The following AKAP12 variants were observed in gnomAD, a reference collection of about 807,000 sequenced individuals.
AKAP12 encodes the protein A-kinase anchor protein 12.
A neutral mutation model predicts 79.9 loss-of-function variants in AKAP12; 32 were observed. That is an observed-to-expected ratio of 0.40 (90% confidence interval 0.30 to 0.54). The LOEUF is 0.54. Among genes scored for constraint, AKAP12 ranks in the 20% least tolerant of loss-of-function variants. AKAP12 has a pLI of 0.48. For synonymous variants in AKAP12, 808 were observed against 857.0 expected, an observed-to-expected ratio of 0.94 and a Z score of 1.00; for missense variants, 2,074 against 2,177.0, an observed-to-expected ratio of 0.95 and a Z score of 0.94.
chr6:151,336,537 C>A (rs1777818767), intron 3 of AKAP12, among the ~76,000 whole-genome samples: 1 of 152,036 alleles, frequency 6.6e-6, no homozygotes, highest in Admixed American at 6.6e-5. Context: ...CTGAAGTCAG[C>A]AGTTCAAGAC....
At chr6:151,248,451 G>A (rs939894072) in intron 2 of AKAP12, among the ~76,000 whole-genome samples, 1 of 152,004 alleles carries the variant, frequency 6.6e-6, no homozygotes, top group South Asian at 2.1e-4. Context: ...TGGGGTGTGG[G>A]CTCCATTACC....
intron 4 of AKAP12, among the ~76,000 whole-genome samples, chr6:151,354,993 C>CTTTTG (rs796293117): frequency 2.6e-5 from 4 of 151,664 alleles, no homozygotes; most frequent in African/African-American, 7.2e-5. Context: ...TCTTCGTTTT[C>CTTTTG]TTTTGTTTTG....
intron 2 of AKAP12, among the ~76,000 whole-genome samples, chr6:151,269,183 G>A (rs1776126450): frequency 6.6e-6 from 1 of 151,798 alleles, no homozygotes; most frequent in African/African-American, 2.4e-5. Context: ...TTAAAATTTT[G>A]AGGCAGGTCT....
chr6:151,307,594 GT>G (rs1214161551), intron 3 of AKAP12, among the ~76,000 whole-genome samples: 2 of 152,186 alleles, frequency 1.3e-5, no homozygotes, highest in Non-Finnish European at 2.9e-5. Context: ...CAGGGACACA[GT>G]TTTTTTCATA....
chr6:151,320,817 A>G (rs958651250), intron 3 of AKAP12, among the ~76,000 whole-genome samples: 2 of 152,194 alleles, frequency 1.3e-5, no homozygotes, highest in Admixed American at 6.5e-5. Flanking sequence ...TATAGTCTTC[A>G]GAACCAGCAG....
chr6:151,306,233 A>G (rs1328927367), intron 3 of AKAP12, among the ~76,000 whole-genome samples: 1 of 152,200 alleles, frequency 6.6e-6, no homozygotes, highest in African/African-American at 2.4e-5. Flanking sequence ...CCCTCTAGAG[A>G]GGAGCCTGCT....
intron 2 of AKAP12, among the ~76,000 whole-genome samples, chr6:151,263,660 C>T (rs1359192562): frequency 6.6e-6 from 1 of 152,132 alleles, no homozygotes; most frequent in Non-Finnish European, 1.5e-5. Flanking sequence ...CTCACTGCAA[C>T]TTCCGCCTCC....
intron 2 of AKAP12, among the ~76,000 whole-genome samples, chr6:151,259,446 A>G (rs1797368616): frequency 2.7e-5 from 4 of 148,682 alleles, no homozygotes; most frequent in Admixed American, 1.4e-4. Flanking sequence ...ATATATGTGT[A>G]TATATATACA....
At chr6:151,347,752 T>A (rs1232540437) in intron 3 of AKAP12, among the ~76,000 whole-genome samples, 2 of 152,158 alleles carry the variant, frequency 1.3e-5, no homozygotes, top group African/African-American at 4.8e-5. Flanking sequence ...AATATTTAAT[T>A]TTCACTGGGT....
intron 3 of AKAP12, among the ~76,000 whole-genome samples, chr6:151,310,088 T>C (rs912371023): frequency 6.6e-6 from 1 of 151,582 alleles, no homozygotes; most frequent in Non-Finnish European, 1.5e-5. Flanking sequence ...AGAGCCTGGG[T>C]GCAGTGGCTC....
intron 3 of AKAP12, among the ~76,000 whole-genome samples, chr6:151,312,684 T>C (rs557112455): frequency 1.7e-4 from 25 of 149,382 alleles, no homozygotes; most frequent in Admixed American, 3.4e-4. Flanking sequence ...CCCAGCCACT[T>C]GGGAGGCTGA....
chr6:151,283,925 T>C (rs1776453121), intron 2 of AKAP12, among the ~76,000 whole-genome samples: 1 of 152,200 alleles, frequency 6.6e-6, no homozygotes, highest in Non-Finnish European at 1.5e-5. Context: ...CTCCCCTGAA[T>C]GGACACAGCA....
At chr6:151,345,932 T>TGTGTGTGA (rs1349850485) in intron 3 of AKAP12, among the ~76,000 whole-genome samples, 2 of 101,376 alleles carry the variant, frequency 2.0e-5, no homozygotes, top group African/African-American at 8.7e-5. Context: ...TGTGTGTGTG[T>TGTGTGTGA]GAGAGAGAGA....
chr6:151,274,322 A>G (rs953653063), intron 2 of AKAP12, among the ~76,000 whole-genome samples: 6 of 151,844 alleles, frequency 4.0e-5, no homozygotes, highest in African/African-American at 1.5e-4. Flanking sequence ...CAAGCAATCC[A>G]CCTGCCTTGG....
chr6:151,279,441 C>T (rs967129808), intron 2 of AKAP12, among the ~76,000 whole-genome samples: 1 of 151,778 alleles, frequency 6.6e-6, no homozygotes, highest in African/African-American at 2.4e-5. Flanking sequence ...GTGTGATTAA[C>T]TTAAGAATGG....
intron 2 of AKAP12, among the ~76,000 whole-genome samples, chr6:151,256,962 A>ATATAT (rs1554319585): frequency 1.3e-5 from 2 of 151,162 alleles, no homozygotes; most frequent in Admixed American, 6.6e-5. Flanking sequence ...ATATATATAT[A>ATATAT]AACTTTAAAT....
At chr6:151,305,685 C>T (rs1776962408) in intron 2 of AKAP12, 62 bp from the exon 3 acceptor site, 5 of 1,483,994 alleles carry the variant, frequency 3.4e-6, no homozygotes, top group Non-Finnish European at 2.7e-6. Context: ...AAGTTAATGC[C>T]TTGTTTCTGA....
At chr6:151,320,992 C>G (rs1054026059) in intron 3 of AKAP12, among the ~76,000 whole-genome samples, 2 of 145,808 alleles carry the variant, frequency 1.4e-5, no homozygotes, top group Admixed American at 1.4e-4. Flanking sequence ...TTCTTTCTTT[C>G]TTTTTTTTTT....
chr6:151,322,913 T>C (rs1270079869), intron 3 of AKAP12, among the ~76,000 whole-genome samples: 1 of 152,266 alleles, frequency 6.6e-6, no homozygotes, highest in East Asian at 1.9e-4. Context: ...CTATCATCCA[T>C]CTATGTATTA....
Sources: gnomAD v4.1 joint callset for allele counts (sites outside exome capture counted in the v4.1 genomes callset) on GRCh38, gnomAD v4.1.1 for gene constraint, MANE v1.5 for transcripts, NCBI Gene and HGNC (gene_info 2026-07-23, HGNC 2026-07-21) for gene names.